The following HHLA2 variants were observed in gnomAD, a reference collection of about 807,000 sequenced individuals.
HHLA2 encodes HHLA2 member of B7 family.
HHLA2 carries 48 observed loss-of-function variants against 45.9 expected under a neutral mutation model. The ratio of observed to expected loss-of-function variants is 1.05; its 90% CI spans 0.83 to 1.33. The LOEUF (loss-of-function observed/expected upper bound fraction) is 1.33, where lower values mean the gene tolerates loss of function less well. Ranked by LOEUF, HHLA2 falls within the 40% of genes most tolerant of loss-of-function variation. The probability of loss-of-function intolerance (pLI) is 0.00; values close to 1 mark genes in which losing one functional copy is unlikely to be tolerated. For synonymous variants in HHLA2, 161 were observed against 173.9 expected (o/e 0.93, Z 0.59); for missense variants, 462 against 494.3 (o/e 0.93, Z 0.62).
intron 8 of HHLA2, among the ~76,000 whole-genome samples, chr3:108,365,603 C>T (rs1033069212): frequency 2.6e-5 from 4 of 151,524 alleles, no homozygotes; most frequent in Admixed American, 6.6e-5. Flanking sequence ...GCCATTTTCA[C>T]GATATTCATA....
At chr3:108,344,064 C>T (rs960465573) in intron 3 of HHLA2, among the ~76,000 whole-genome samples, 3 of 152,138 alleles carry the variant, frequency 2.0e-5, no homozygotes, top group African/African-American at 7.2e-5. Context: ...ACTAGTTAGT[C>T]TAGCTAAGAA....
intron 2 of HHLA2, among the ~76,000 whole-genome samples, chr3:108,322,993 G>A (rs1387087958): frequency 1.3e-5 from 2 of 152,016 alleles, no homozygotes; most frequent in African/African-American, 4.8e-5. Context: ...GGTTTACTAA[G>A]TCAGTTACTA....
chr3:108,323,048 G>A (rs948674912), intron 2 of HHLA2, among the ~76,000 whole-genome samples: 3 of 149,518 alleles, frequency 2.0e-5, no homozygotes, highest in African/African-American at 7.4e-5. Flanking sequence ...TGACTTTTTT[G>A]TTTGTTTGTT....
At chr3:108,347,103 T>C (rs1318177981) in intron 3 of HHLA2, among the ~76,000 whole-genome samples, 1 of 152,142 alleles carries the variant, frequency 6.6e-6, no homozygotes. Flanking sequence ...CAGTATAATC[T>C]AAGGTGGAAG....
intron 3 of HHLA2, among the ~76,000 whole-genome samples, chr3:108,337,822 G>A (rs1365168530): frequency 1.3e-5 from 2 of 152,120 alleles, no homozygotes; most frequent in Admixed American, 6.5e-5. Flanking sequence ...TCTTCCTTGA[G>A]TTCTGGAGTT....
At chr3:108,342,147 T>C (rs914863252) in intron 3 of HHLA2, among the ~76,000 whole-genome samples, 3 of 152,200 alleles carry the variant, frequency 2.0e-5, no homozygotes, top group Admixed American at 6.5e-5. Flanking sequence ...CTGGTGTCTG[T>C]CACAGTGTCC....
At position 108,353,803 on chromosome 3, in the gene HHLA2, A is replaced by C. The variant is rs770424482; in HGVS notation, c.418+23A>C. On this transcript the variant is annotated intron_variant, in intron 5 of 10. Transcript: ENST00000619531. ...GAGGTAAGTGTGCATGTAAAGTTTC[A>C]TGAAACAGCAATGACATCATTCCAT... 7.8e-6 allele frequency: 12 copies of C among 1,536,934 alleles called. 2 individuals are homozygous for C. In the South Asian group the frequency reaches 1.4e-4, roughly 18 times the overall value.
intron 8 of HHLA2, among the ~76,000 whole-genome samples, chr3:108,363,651 T>G (rs2082015617): frequency 6.6e-6 from 1 of 152,192 alleles, no homozygotes; most frequent in South Asian, 2.1e-4. Context: ...CAGTCTAGCC[T>G]GTCCACGAAG....
At chr3:108,349,254 A>G (rs370466708) in intron 3 of HHLA2, among the ~76,000 whole-genome samples, 1 of 152,178 alleles carries the variant, frequency 6.6e-6, no homozygotes, top group Non-Finnish European at 1.5e-5. Context: ...TAGCCAGACT[A>G]ATAAAGAAGA....
intron 3 of HHLA2, among the ~76,000 whole-genome samples, chr3:108,337,247 C>T (rs1294297143): frequency 1.3e-5 from 2 of 152,116 alleles, no homozygotes; most frequent in Non-Finnish European, 2.9e-5. Context: ...TTTCATTTTT[C>T]TAGCAATTCA....
intron 3 of HHLA2, among the ~76,000 whole-genome samples, chr3:108,338,561 G>C (rs181883063): frequency 2.0e-5 from 3 of 152,296 alleles, no homozygotes; most frequent in Admixed American, 2.0e-4. Context: ...ATTTCTTTCT[G>C]TTGAAGTTCT....
chr3:108,322,778 C>T (rs553893396), intron 2 of HHLA2, among the ~76,000 whole-genome samples: 4 of 152,278 alleles, frequency 2.6e-5, no homozygotes, highest in East Asian at 1.9e-4. Flanking sequence ...TCAGTCAGGA[C>T]GTCTCACCTA....
intron 7 of HHLA2, among the ~76,000 whole-genome samples, chr3:108,358,999 T>C (rs1007839128): frequency 6.6e-6 from 1 of 152,176 alleles, no homozygotes; most frequent in Admixed American, 6.5e-5. Flanking sequence ...CTTCTGGACA[T>C]TGAGTAATAA....
chr3:108,358,367 C>T (rs1433213164), intron 7 of HHLA2, among the ~76,000 whole-genome samples: 1 of 152,144 alleles, frequency 6.6e-6, no homozygotes, highest in Non-Finnish European at 1.5e-5. Context: ...AAATTACTCC[C>T]ACAGATTTCC....
At chr3:108,354,915 T>C (rs1206835398) in intron 5 of HHLA2, among the ~76,000 whole-genome samples, 200 bp from the exon 5 acceptor site, 1 of 152,194 alleles carries the variant, frequency 6.6e-6, no homozygotes, top group African/African-American at 2.4e-5. Flanking sequence ...TTTTTTTATT[T>C]CTTCTAGATA....
At chr3:108,365,059 G>A (rs1261228212) in intron 8 of HHLA2, among the ~76,000 whole-genome samples, 1 of 152,190 alleles carries the variant, frequency 6.6e-6, no homozygotes, top group Non-Finnish European at 1.5e-5. Context: ...TTTTAGTCAT[G>A]AAGTCCTTGT....
At chr3:108,354,887 A>G (rs2081856011) in intron 5 of HHLA2, among the ~76,000 whole-genome samples, 1 of 152,186 alleles carries the variant, frequency 6.6e-6, no homozygotes, top group East Asian at 1.9e-4. Flanking sequence ...GCTAGTTGCC[A>G]CATACCCATG....
intron 8 of HHLA2, among the ~76,000 whole-genome samples, chr3:108,374,392 G>A (rs1451209394): frequency 6.6e-6 from 1 of 150,980 alleles, no homozygotes; most frequent in Non-Finnish European, 1.5e-5. Flanking sequence ...GAAAACCTAG[G>A]CAATACCATT....
intron 8 of HHLA2, among the ~76,000 whole-genome samples, chr3:108,370,365 C>A (rs1361731131): frequency 6.6e-6 from 1 of 152,100 alleles, no homozygotes. Context: ...GATAAAACCA[C>A]AAAGATGGGG....
Sources: allele counts gnomAD v4.1 joint callset (sites outside exome capture counted in the v4.1 genomes callset), GRCh38; gene constraint gnomAD v4.1.1; transcripts MANE v1.5; gene names NCBI Gene and HGNC (gene_info 2026-07-23, HGNC 2026-07-21).